The following ZNF343 variants were observed in gnomAD, a reference collection of about 807,000 sequenced individuals.
The protein encoded by ZNF343 is zinc finger protein 343.
In ZNF343, 11 loss-of-function variants were observed where a neutral mutation model predicts 13.8. That is an observed-to-expected ratio of 0.80 (90% CI 0.50 to 1.32). The LOEUF (loss-of-function observed/expected upper bound fraction) is 1.32. Ranked by LOEUF, ZNF343 falls within the 40% of genes most tolerant of loss-of-function variation. The pLI, the probability that ZNF343 is intolerant of heterozygous loss-of-function variation, is 0.00. For synonymous variants in ZNF343, 248 were observed against 260.0 expected (o/e 0.95, Z 0.44); for missense variants, 658 against 714.2 (o/e 0.92, Z 0.90).
intron 5 of ZNF343, among the ~76,000 whole-genome samples, chr20:2,490,746 T>C (rs2085354980): frequency 6.6e-6 from 1 of 152,164 alleles, no homozygotes. Context: ...ATCAGTTATA[T>C]GTATTAACAG....
intron 1 of ZNF343, among the ~76,000 whole-genome samples, chr20:2,517,888 C>T (rs929686124): frequency 3.9e-5 from 6 of 151,924 alleles, no homozygotes; most frequent in East Asian, 1.9e-4. Context: ...AGAAACACAC[C>T]GTCATCAAAA....
Position 2,484,318 on chromosome 20 carries a change from GCT to G in ZNF343, c.641_642del (p.Glu214AlafsTer30), listed in dbSNP as rs1478125429. On this transcript the variant is annotated frameshift_variant, in exon 6 of 6. Coordinates refer to ENST00000278772, the MANE Select transcript of ZNF343 (RefSeq NM_024325.6). LOFTEE classifies it low-confidence loss of function (END_TRUNC). ...PRKGNMVVETEPSSAQRPNPV... is the reference protein window; with the variant it reads ...PRKGNMVVETXPSSAQRPNPV... ...GGGTTTGGTCTTTGGGCTGAGCTGGGCTCTGTTTCTACCACCATGTTGCCTTT... is the reference window on the plus strand; with the variant it reads ...GGGTTTGGTCTTTGGGCTGAGCTGGGCTGTTTCTACCACCATGTTGCCTTT... The G allele has an allele frequency of 6.2e-7, 1 of 1,614,216 alleles. No individual in the cohort carries two copies. The highest frequency in any genetic ancestry group is 2.2e-5 in the East Asian group (1 of 44,886).
At position 2,484,467 on chromosome 20, in the gene ZNF343, A is replaced by G; in HGVS notation, c.494T>C (p.Phe165Ser). 6.2e-7 allele frequency: 1 copy of G among 1,614,138 alleles called. No homozygotes were observed. The highest frequency in any genetic ancestry group is 8.5e-7 in the Non-Finnish European group (1 of 1,180,028). Residue 165 changes from phenylalanine to serine, a missense_variant, in exon 6 of 6, where the codon TTT becomes TCT. Phe to Ser is a radical substitution (Grantham distance 155, BLOSUM62 -2). Coordinates refer to ENST00000278772, the MANE Select transcript of ZNF343 (RefSeq NM_024325.6). ...TCTCTCCTGACCTTCTGCATTTTCA[A>G]ACCAACAGCTTACATGGGAATACTG... ...GQQYSHVSCW[F>S]ENAEGQERGG...
intron 3 of ZNF343, 77 bp downstream of exon 3, chr20:2,493,701 G>A: frequency 2.2e-6 from 3 of 1,388,616 alleles, no homozygotes; most frequent in Non-Finnish European, 3.1e-6. Flanking sequence ...ACTCAGAGGT[G>A]ACCTCTGAAG....
intron 2 of ZNF343, among the ~76,000 whole-genome samples, chr20:2,499,031 G>T (rs548050855): frequency 1.6e-4 from 25 of 151,950 alleles, no homozygotes; most frequent in Non-Finnish European, 3.1e-4. Flanking sequence ...GTAGAGACGG[G>T]GTTTTGTCAT....
chr20:2,520,641 T>C (rs930361595), intron 1 of ZNF343, among the ~76,000 whole-genome samples: 1 of 152,172 alleles, frequency 6.6e-6, no homozygotes, highest in Non-Finnish European at 1.5e-5. Flanking sequence ...CTCTAACTCA[T>C]CTTAAAGAGG....
intron 2 of ZNF343, among the ~76,000 whole-genome samples, chr20:2,498,710 A>C (rs2085503656): frequency 6.6e-6 from 1 of 152,208 alleles, no homozygotes; most frequent in African/African-American, 2.4e-5. Context: ...GCCGTATAGG[A>C]ATTACCACAT....
In ZNF343 at chr20:2,492,856, A is replaced by G. The variant is rs201963494; in HGVS notation, c.178-31T>C. The stretch of plus-strand genomic sequence containing the variant: ...AACAACCAGTAAATTAATGTATAGC[A>G]AGCCACCATCAATCTTCCCTGTGTG... On this transcript the variant is annotated intron_variant, in intron 4 of 5. Transcript: ENST00000278772. The G allele has an allele frequency of 5.9e-5, 95 of 1,609,164 alleles. No individual in the cohort carries two copies. The African/African-American group carries it at 1.1e-3, about 18-fold the overall frequency.
intron 2 of ZNF343, among the ~76,000 whole-genome samples, chr20:2,497,318 A>G (rs1801194596): frequency 6.6e-6 from 1 of 152,130 alleles, no homozygotes; most frequent in African/African-American, 2.4e-5. Flanking sequence ...AAGGCAGAGG[A>G]GGAAGATGGA....
chr20:2,496,304 G>A (rs1365487224), intron 2 of ZNF343, among the ~76,000 whole-genome samples: 1 of 152,170 alleles, frequency 6.6e-6, no homozygotes, highest in African/African-American at 2.4e-5. Context: ...AAAGAAACCA[G>A]CCCATTGAAG....
rs565208695 is a variant in ZNF343, at chr20:2,516,947, T to C, written c.-347+7508A>G. Among the ~76,000 whole-genome samples the C allele has an allele frequency of 1.1e-3, 168 of 152,266 alleles. 1 individual carries two copies. Among genetic ancestry groups the C allele is most frequent in the African/African-American group, 4.0e-3 (165 of 41,534 alleles). On this transcript the variant is annotated intron_variant, in intron 1 of 6. Transcript: ENST00000358413. ...TTCATGATTAGTGTCACTGTCACGG[T>C]CATTACTTTTTGTGACTTACAACAA...
chr20:2,503,412 T>G (rs2085603461), intron 1 of ZNF343, among the ~76,000 whole-genome samples: 1 of 151,930 alleles, frequency 6.6e-6, no homozygotes, highest in Admixed American at 6.6e-5. Flanking sequence ...AGACAGAAAG[T>G]TAACAAGGAT....
chr20:2,523,687 T>TC (rs2085792315), intron 1 of ZNF343, among the ~76,000 whole-genome samples: 1 of 146,496 alleles, frequency 6.8e-6, no homozygotes, highest in Non-Finnish European at 1.5e-5. Context: ...CTTTTTTTTT[T>TC]TTTTTTTTTT....
chr20:2,495,224 G>A (rs779814365), intron 2 of ZNF343, among the ~76,000 whole-genome samples: 9 of 152,186 alleles, frequency 5.9e-5, no homozygotes, highest in Non-Finnish European at 1.2e-4. Flanking sequence ...CTATTTACGT[G>A]ACTGTCTTTA....
chr20:2,498,780 G>A (rs758155908), intron 2 of ZNF343, among the ~76,000 whole-genome samples: 46 of 152,200 alleles, frequency 3.0e-4, no homozygotes, highest in Admixed American at 6.5e-4. Context: ...CAGATGAGGA[G>A]TAGAAAGCAC....
chr20:2,495,785 A>T (rs1228032313), intron 2 of ZNF343, among the ~76,000 whole-genome samples: 1 of 149,872 alleles, frequency 6.7e-6, no homozygotes, highest in East Asian at 2.0e-4. Flanking sequence ...GGTTCAAGTG[A>T]TTCTTTTGCC....
At chr20:2,497,832 G>A (rs1451739165) in intron 2 of ZNF343, among the ~76,000 whole-genome samples, 5 of 152,082 alleles carry the variant, frequency 3.3e-5, no homozygotes, top group Admixed American at 3.3e-4. Flanking sequence ...TCTTAATAAT[G>A]GCCCAACCTA....
intron 4 of ZNF343, chr20:2,493,065 G>A (rs774346784): frequency 3.4e-5 from 18 of 531,890 alleles, no homozygotes; most frequent in Admixed American, 2.2e-4. Flanking sequence ...TGATTTCACC[G>A]GAGAAATGAT....
chr20:2,484,153 T>G lies in ZNF343; in HGVS notation c.808A>C (p.Ile270Leu). 3.1e-6 allele frequency: 5 copies of G among 1,614,228 alleles called. No homozygotes were observed. The South Asian group carries it at 5.5e-5, about 18-fold the overall frequency. Residue 270 changes from isoleucine to leucine, a missense_variant, in exon 6 of 6, where the codon ATT becomes CTT. Physicochemically the swap from Ile to Leu is conservative, Grantham distance 5. Transcript: ENST00000278772. ...AAGCTTCGCCCACAATCACTGCAAA[T>G]GTAGGGCTTCTTCCCTAAGAGGGTC... ...PRTLLGKKPY[I>L]CSDCGRSFKD... is the part of the protein sequence containing the mutation.
Sources: gnomAD v4.1 joint callset for allele counts (sites outside exome capture counted in the v4.1 genomes callset) on GRCh38, gnomAD v4.1.1 for gene constraint, MANE v1.5 for transcripts, NCBI Gene and HGNC (gene_info 2026-07-23, HGNC 2026-07-21) for gene names.